TBC1D5: variants seen among roughly 807,000 people sequenced by gnomAD.
TBC1D5 encodes the protein TBC1 domain family member 5, also known as TBC1 domain family, member 5.
Under a neutral mutation model 100.3 loss-of-function variants are expected in TBC1D5, and 75 were observed. The observed-to-expected ratio is 0.75, with a 90% CI of 0.62 to 0.91. The LOEUF (loss-of-function observed/expected upper bound fraction) is 0.91, where lower values mean the gene tolerates loss of function less well. TBC1D5 is among the 40% of genes least tolerant of loss of function. TBC1D5 has a pLI of 0.00. For synonymous variants in TBC1D5, 323 were observed against 325.6 expected, an observed-to-expected ratio of 0.99 and a Z score of 0.09; for missense variants, 910 against 942.4, an observed-to-expected ratio of 0.97 and a Z score of 0.45.
At chr3:17,633,487 T>C (rs2063660901) in intron 1 of TBC1D5, among the ~76,000 whole-genome samples, 1 of 152,118 alleles carries the variant, frequency 6.6e-6, no homozygotes, top group Non-Finnish European at 1.5e-5. Flanking sequence ...GAGAATATGT[T>C]TCCATAGAAC....
chr3:17,319,722 T>C (rs1179611589), intron 13 of TBC1D5, among the ~76,000 whole-genome samples: 2 of 151,856 alleles, frequency 1.3e-5, no homozygotes, highest in East Asian at 1.9e-4. Flanking sequence ...TACAAAAAAT[T>C]AGCCGGGTGG....
In TBC1D5 at chr3:17,354,903, C is replaced by G. The variant is rs115221727; in HGVS notation, c.995+17172G>C. ...AGCAGAGAATGCACACGGACAAATT[C>G]AGTATGCATACAATTTGTGAGAATA... On this transcript the variant is annotated intron_variant, in intron 13 of 21. Transcript: ENST00000253692. Among the ~76,000 whole-genome samples, 1,380 of 152,082 alleles carry G rather than the reference C, an allele frequency of 9.1e-3. 18 individuals carry two copies. Among genetic ancestry groups the G allele is most frequent in the African/African-American group, 0.031 (1,305 of 41,492 alleles).
chr3:17,630,864 T>C (rs2153671848), intron 1 of TBC1D5, among the ~76,000 whole-genome samples: 1 of 131,184 alleles, frequency 7.6e-6, no homozygotes, highest in Middle Eastern at 3.7e-3. Flanking sequence ...TGAAACCCCG[T>C]CTCTACTAAA....
intron 17 of TBC1D5, among the ~76,000 whole-genome samples, chr3:17,226,964 C>T (rs2074965109): frequency 6.6e-6 from 1 of 152,106 alleles, no homozygotes; most frequent in South Asian, 2.1e-4. Context: ...GAGCCCTATG[C>T]AGAGTGATCT....
intron 16 of TBC1D5, among the ~76,000 whole-genome samples, chr3:17,249,241 A>G (rs551997002): frequency 2.1e-4 from 32 of 152,206 alleles, no homozygotes; most frequent in African/African-American, 7.7e-4. Flanking sequence ...CTTTGCTTTC[A>G]TGATTTGGTT....
At chr3:17,551,525 T>C (rs970587675) in intron 2 of TBC1D5, among the ~76,000 whole-genome samples, 7 of 152,082 alleles carry the variant, frequency 4.6e-5, no homozygotes, top group Admixed American at 4.6e-4. Flanking sequence ...TCCTAAGACA[T>C]AAACCATCTG....
intron 2 of TBC1D5, among the ~76,000 whole-genome samples, chr3:17,509,343 T>TA (rs149769169): frequency 0.075 from 11,363 of 152,038 alleles, 585 homozygotes; most frequent in Non-Finnish European, 0.12. Context: ...GTCTGTATGA[T>TA]ATCCATGATT....
At chr3:17,301,187 GT>G (rs1341289213) in intron 14 of TBC1D5, among the ~76,000 whole-genome samples, 1 of 151,756 alleles carries the variant, frequency 6.6e-6, no homozygotes, top group East Asian at 1.9e-4. Context: ...TTTTTATAGT[GT>G]TTTAGCTATT....
At chr3:17,614,524 G>A (rs939609672) in intron 2 of TBC1D5, among the ~76,000 whole-genome samples, 3 of 152,178 alleles carry the variant, frequency 2.0e-5, no homozygotes, top group Non-Finnish European at 4.4e-5. Flanking sequence ...CATGAGCATA[G>A]AATGTTCCTC....
At chr3:17,549,066 G>A (rs1422479658) in intron 2 of TBC1D5, among the ~76,000 whole-genome samples, 1 of 151,846 alleles carries the variant, frequency 6.6e-6, no homozygotes, top group Non-Finnish European at 1.5e-5. Flanking sequence ...GGGAGGCGGA[G>A]GCAGGTGGAT....
intron 3 of TBC1D5, among the ~76,000 whole-genome samples, chr3:17,447,252 A>C (rs2094820393): frequency 6.6e-6 from 1 of 152,236 alleles, no homozygotes; most frequent in African/African-American, 2.4e-5. Flanking sequence ...GAAAACGAGA[A>C]TAAAGCTACT....
intron 1 of TBC1D5, among the ~76,000 whole-genome samples, chr3:17,673,311 C>CTTTTTTTTTTTTTTT (rs374496313): frequency 7.9e-6 from 1 of 125,982 alleles, no homozygotes; most frequent in Non-Finnish European, 1.6e-5. Context: ...CTTTTCTTTT[C>CTTTTTTTTTTTTTTT]TTTTTTTTTT....
chr3:17,523,385 T>C (rs538572191), intron 2 of TBC1D5, among the ~76,000 whole-genome samples: 1 of 152,254 alleles, frequency 6.6e-6, no homozygotes, highest in East Asian at 1.9e-4. Context: ...TAATGAAAAC[T>C]AGAATGTTAC....
chr3:17,732,720 A>AAAATAAATAAATAAATAAATAAAT (rs60531914), intron 1 of TBC1D5, among the ~76,000 whole-genome samples: 19,420 of 144,628 alleles, frequency 0.13, 1,575 homozygotes, highest in South Asian at 0.22. Flanking sequence ...CCGTCTCAAA[A>AAAATAAATAAATAAATAAATAAAT]AAATAAATAA....
chr3:17,188,534 G>A (rs1160583155), intron 18 of TBC1D5, among the ~76,000 whole-genome samples: 1 of 152,216 alleles, frequency 6.6e-6, no homozygotes, highest in Non-Finnish European at 1.5e-5. Flanking sequence ...TCCATAGTCT[G>A]AAATCCAGTG....
intron 13 of TBC1D5, among the ~76,000 whole-genome samples, chr3:17,369,689 T>C (rs983160088): frequency 5.9e-5 from 9 of 152,242 alleles, no homozygotes; most frequent in East Asian, 5.8e-4. Flanking sequence ...TAGTCATTAA[T>C]AGAAAATACA....
chr3:17,716,424 C>T (rs748089782), intron 1 of TBC1D5, among the ~76,000 whole-genome samples: 1 of 147,258 alleles, frequency 6.8e-6, no homozygotes, highest in Non-Finnish European at 1.5e-5. Context: ...GGAGTCACTG[C>T]AGGCCAAGAC....
intron 13 of TBC1D5, among the ~76,000 whole-genome samples, chr3:17,346,254 C>A (rs1228292263): frequency 1.3e-5 from 2 of 151,944 alleles, no homozygotes; most frequent in Non-Finnish European, 2.9e-5. Flanking sequence ...TGAAACCTTC[C>A]AAATATGGGG....
intron 3 of TBC1D5, among the ~76,000 whole-genome samples, chr3:17,451,473 G>C (rs567316441): frequency 2.0e-5 from 3 of 152,114 alleles, no homozygotes; most frequent in Non-Finnish European, 4.4e-5. Context: ...CAGTTAGAAT[G>C]GTGATCATCA....
Sources: gnomAD v4.1 joint callset for allele counts (sites outside exome capture counted in the v4.1 genomes callset) on GRCh38, gnomAD v4.1.1 for gene constraint, MANE v1.5 for transcripts, NCBI Gene and HGNC (gene_info 2026-07-23, HGNC 2026-07-21) for gene names.